The following ALOX12B variants were observed in gnomAD, a reference collection of about 807,000 sequenced individuals.
ALOX12B encodes the protein arachidonate 12-lipoxygenase, 12R-type.
ALOX12B carries 47 observed loss-of-function variants against 78.9 expected under a neutral mutation model. That is an observed-to-expected ratio of 0.60 (90% confidence interval 0.47 to 0.76). ALOX12B has a LOEUF of 0.76. Ranked by LOEUF, ALOX12B falls within the 30% of genes least tolerant of loss-of-function variation. The probability of loss-of-function intolerance (pLI) is 0.00; values close to 1 mark genes in which losing one functional copy is unlikely to be tolerated. For missense variants in ALOX12B, 805 were observed against 922.6 expected (o/e 0.87, Z 1.65); for synonymous variants, 370 against 374.5 (o/e 0.99, Z 0.14).
intron 2 of ALOX12B, among the ~76,000 whole-genome samples, chr17:8,085,109 T>C (rs1339267723): frequency 6.6e-6 from 1 of 152,188 alleles, no homozygotes; most frequent in Non-Finnish European, 1.5e-5. Context: ...GGAGTAACAG[T>C]GCATCCTGTT....
chr17:8,080,379 G>A lies in ALOX12B; in HGVS notation c.651-41C>T. On this transcript the variant is annotated intron_variant, in intron 5 of 14. Transcript: ENST00000647874. The surrounding 1 kb of genome is among the most constrained non-coding windows in gnomAD (Gnocchi z 4.8). ...CCAGGAAGAGGCCTTCAGAGGGGCT[G>A]CCAAGCGCCGGCTGGGGCAGGTGGC... The A allele has an allele frequency of 1.2e-6, 2 of 1,606,806 alleles. No individual in the cohort carries two copies. The highest frequency in any genetic ancestry group is 2.2e-5 in the South Asian group (2 of 90,948).
At chr17:8,076,837 C>G (rs1977095422) in intron 9 of ALOX12B, 94 bp from the exon 10 acceptor site, 2 of 1,463,954 alleles carry the variant, frequency 1.4e-6, no homozygotes, top group Non-Finnish European at 1.9e-6. Flanking sequence ...TCTGCTCACT[C>G]TGGGAAGTCC....
chr17:8,078,616 G>A (rs985287996), intron 8 of ALOX12B, among the ~76,000 whole-genome samples: 1 of 152,082 alleles, frequency 6.6e-6, no homozygotes, highest in Admixed American at 6.5e-5. Context: ...AGCAGCAAGA[G>A]CTCACCCAGC....
Position 8,079,781 on chromosome 17 carries a change from T to C in ALOX12B, c.915A>G (p.Gln305=), listed in dbSNP as rs750141504. Reference sequence around the variant, plus strand: ...GAGCGGGCCTCACCTCCAGCTCCGCTTGCAAGCACGTTCCCTCGCCCAGGA... The same window carrying C: ...GAGCGGGCCTCACCTCCAGCTCCGCCTGCAAGCACGTTCCCTCGCCCAGGA... The part of the protein sequence containing the change: ...APFLGEGTCL[Q]AELEKGNIYL... Residue 305 remains glutamine, a synonymous_variant, in exon 7 of 15, where the codon CAA becomes CAG. Coordinates refer to ENST00000647874, the MANE Select transcript of ALOX12B (RefSeq NM_001139.3). This position sits in a 1 kb window ranked among gnomAD's most constrained non-coding sequence, Gnocchi z 6.4. 6.2e-7 allele frequency: 1 copy of C among 1,612,532 alleles called. No homozygotes were observed. The highest frequency in any genetic ancestry group is 2.2e-5 in the East Asian group (1 of 44,844).
rs1184406559 is a variant in ALOX12B, at chr17:8,080,795, G to T, written c.528-15C>A. 5 of 1,613,978 alleles carry T rather than the reference G, an allele frequency of 3.1e-6. No individual in the cohort carries two copies. The highest frequency in any genetic ancestry group is 1.7e-5 in the Admixed American group (1 of 59,998). On this transcript the variant is annotated splice_polypyrimidine_tract_variant and intron_variant, in intron 4 of 14. Transcript: ENST00000647874. This position sits in a 1 kb window ranked among gnomAD's most constrained non-coding sequence, Gnocchi z 4.8. The stretch of plus-strand genomic sequence containing the variant: ...AGCCATTCCACCTGTGGGGAGAAGC[G>T]CAGGGCAACTGGGATCCAGGGGGCG...
intron 2 of ALOX12B, 48 bp from the exon 3 acceptor site, chr17:8,081,235 C>A: frequency 6.3e-7 from 1 of 1,583,794 alleles, no homozygotes; most frequent in Non-Finnish European, 8.7e-7. Flanking sequence ...CTTGCCCCTG[C>A]CCACTTCAGG....
chr17:8,073,001 C>A, intron 14 of ALOX12B, 51 bp from the exon 15 acceptor site: 1 of 1,595,876 alleles, frequency 6.3e-7, no homozygotes, highest in Non-Finnish European at 8.6e-7. Context: ...AGCACCCCCT[C>A]CTCCTGCCGG....
In ALOX12B at chr17:8,072,967, C is replaced by G. The variant is rs568968107; in HGVS notation, c.1927-17G>C. ...CAGGGGCCGCTGCGGGCAGAGAGCT[C>G]GACAGCTGGGACCAGGGCCGGCCAG... is the stretch of plus-strand genomic sequence containing the variant. On this transcript the variant is annotated splice_polypyrimidine_tract_variant and intron_variant, in intron 14 of 14. Coordinates refer to ENST00000647874, the MANE Select transcript of ALOX12B (RefSeq NM_001139.3). 13 of 1,608,132 alleles carry G rather than the reference C, an allele frequency of 8.1e-6. No homozygotes were observed. The African/African-American group carries it at 1.3e-4, about 17-fold the overall frequency.
chr17:8,083,999 A>G (rs1253285267), intron 2 of ALOX12B, among the ~76,000 whole-genome samples: 2 of 152,062 alleles, frequency 1.3e-5, no homozygotes, highest in East Asian at 3.9e-4. Flanking sequence ...TGTACTAAAA[A>G]TACAAAAAAT....
In ALOX12B at chr17:8,072,929, C is replaced by T; in HGVS notation, c.1948G>A (p.Asp650Asn). The change falls in exon 15 of 15, where the codon GAC becomes AAC. Residue 650 changes from aspartate (D) to asparagine (N), a missense_variant. Coordinates refer to ENST00000647874, the MANE Select transcript of ALOX12B (RefSeq NM_001139.3). ...GGGGCCTCCTCCACGAAGTGAATGT[C>T]CGGGAAGTGTCCCAGGGGCCGCTGC... is the stretch of plus-strand genomic sequence containing the variant. ...DDRRPLGHFP[D>N]IHFVEEAPRR... 4 of 1,613,310 alleles carry T rather than the reference C, an allele frequency of 2.5e-6. No homozygotes were observed. Among genetic ancestry groups the T allele is most frequent in the Non-Finnish European group, 3.4e-6 (4 of 1,179,602 alleles).
At chr17:8,074,150 T>A (rs1280721684) in intron 12 of ALOX12B, among the ~76,000 whole-genome samples, 1 of 151,980 alleles carries the variant, frequency 6.6e-6, no homozygotes, top group Admixed American at 6.6e-5. Flanking sequence ...CTCCACTCCC[T>A]CCCATCACCT....
intron 2 of ALOX12B, 87 bp from the exon 3 acceptor site, chr17:8,081,274 G>T: frequency 7.2e-7 from 1 of 1,390,942 alleles, no homozygotes; most frequent in Non-Finnish European, 1.0e-6. Flanking sequence ...TGTGCCCCAG[G>T]TCGTCTCTGG....
At chr17:8,073,560 G>A in intron 13 of ALOX12B, 97 bp downstream of exon 13, 2 of 1,210,804 alleles carry the variant, frequency 1.7e-6, no homozygotes, top group Non-Finnish European at 2.4e-6. Flanking sequence ...GGCTGGACCA[G>A]GGATTATGGC....
Position 8,079,448 on chromosome 17 carries a change from A to AG in ALOX12B, c.1018dup (p.Leu340ProfsTer34), listed in dbSNP as rs1285636957. ...CTCGGGTCCAAAGTGCAGCAGGCAG[A>AG]GGGGGGCGCAGTGGTGCTGCTTCCG... On this transcript the variant is annotated frameshift_variant, in exon 8 of 15. Transcript: ENST00000647874. LOFTEE classifies it high-confidence loss of function. The surrounding 1 kb of genome is among the most constrained non-coding windows in gnomAD (Gnocchi z 6.4). 5 of 1,551,004 alleles carry AG rather than the reference A, an allele frequency of 3.2e-6. No homozygotes were observed. The highest frequency in any genetic ancestry group is 2.4e-5 in the South Asian group (2 of 84,080).
At chr17:8,076,882 C>A in intron 9 of ALOX12B, 108 bp downstream of exon 9, 1 of 721,044 alleles carries the variant, frequency 1.4e-6, no homozygotes, top group Non-Finnish European at 2.1e-6. Flanking sequence ...CCCCAGATGC[C>A]CCCCAGGCTG....
intron 12 of ALOX12B, among the ~76,000 whole-genome samples, chr17:8,075,310 T>C (rs1977057101): frequency 6.6e-6 from 1 of 152,170 alleles, no homozygotes; most frequent in African/African-American, 2.4e-5. Context: ...GATTTGTTTC[T>C]GGGGTGGGGC....
intron 8 of ALOX12B, among the ~76,000 whole-genome samples, chr17:8,078,652 T>C (rs898284218): frequency 6.6e-6 from 1 of 152,112 alleles, no homozygotes; most frequent in Non-Finnish European, 1.5e-5. Context: ...ACTTTGTACT[T>C]CTGTACCTCA....
intron 2 of ALOX12B, among the ~76,000 whole-genome samples, chr17:8,082,044 T>A (rs1156400294): frequency 6.6e-6 from 1 of 152,246 alleles, no homozygotes; most frequent in East Asian, 1.9e-4. Context: ...TCTAGTTCCA[T>A]CCATGTTGCT....
At chr17:8,086,984 T>G in intron 1 of ALOX12B, among the ~76,000 whole-genome samples, 1 of 148,588 alleles carries the variant, frequency 6.7e-6, no homozygotes, top group Non-Finnish European at 1.5e-5. Context: ...GGGAGGGAGA[T>G]GAGGAATGCC....
Sources: gnomAD v4.1 joint callset for allele counts (sites outside exome capture counted in the v4.1 genomes callset) on GRCh38, gnomAD v4.1.1 for gene constraint, Gnocchi (gnomAD v3.1) non-coding constraint, MANE v1.5 for transcripts, NCBI Gene and HGNC (gene_info 2026-07-23, HGNC 2026-07-21) for gene names.